The following HR variants were observed in gnomAD, a reference collection of about 807,000 sequenced individuals.
HR encodes lysine-specific demethylase hairless.
HR carries 83 observed loss-of-function variants against 128.6 expected under a neutral mutation model. The observed-to-expected ratio is 0.65, with a 90% CI of 0.54 to 0.77. HR has a LOEUF of 0.77. Ranked by LOEUF, HR falls within the 30% of genes least tolerant of loss-of-function variation. The pLI is 0.00. For synonymous variants in HR, 681 were observed against 658.2 expected, an observed-to-expected ratio of 1.03 and a Z score of -0.53; for missense variants, 1,490 against 1,574.6, an observed-to-expected ratio of 0.95 and a Z score of 0.91.
chr8:22,126,415 C>T (rs998642894), intron 3 of HR, among the ~76,000 whole-genome samples: 1 of 152,216 alleles, frequency 6.6e-6, no homozygotes, highest in African/African-American at 2.4e-5. Flanking sequence ...CTCCAGGGTG[C>T]GCCCAGAGCC....
chr8:22,115,883 C>A (rs1586367068), intron 18 of HR, 121 bp from the exon 19 acceptor site: 2 of 1,002,954 alleles, frequency 2.0e-6, no homozygotes, highest in Non-Finnish European at 3.0e-6. Flanking sequence ...GTAATCCCAG[C>A]ACTTTGGGAG....
At chr8:22,128,125 A>T in intron 2 of HR, 3 of 551,958 alleles carry the variant, frequency 5.4e-6, no homozygotes, top group South Asian at 4.1e-5. Context: ...GTCCTGTGCC[A>T]TACTGAGTTT....
Position 22,120,770 on chromosome 8 carries a change from C to T in HR, c.2556G>A (p.Gln852=), listed in dbSNP as rs1426468803. The T allele has an allele frequency of 4.6e-6, 7 of 1,528,592 alleles. No homozygotes were observed. The highest frequency in any genetic ancestry group is 6.2e-6 in the Non-Finnish European group (7 of 1,135,422). 94.7% of individuals were successfully genotyped at this position (1,528,592 alleles called of 1,614,324 possible). A position where few individuals can be genotyped will look rare whatever the true frequency, so the allele number is the denominator to read the frequency against. Residue 852 remains glutamine (Q), a synonymous_variant, in exon 11 of 19, where the codon CAG becomes CAA. Transcript: ENST00000381418. ...PGALLWLQEP[Q]PCPRRGFHLF... is the part of the protein sequence containing the mutation. ...GGTGGAAGCCACGCCGAGGGCAAGG[C>T]TGGGGCTCCTGCAGCCACAGCAAAG...
chr8:22,128,989 A>T lies in HR; in HGVS notation c.182T>A (p.Leu61His), dbSNP rs757866752. Residue 61 changes from leucine to histidine, a missense_variant, in exon 2 of 19, where the codon CTT (leucine) becomes CAT (histidine). This residue lies in a region of HR where 1,060 missense variants were observed against 1,060.9 expected (regional missense o/e 1.00). Coordinates refer to ENST00000381418, the MANE Select transcript of HR (RefSeq NM_005144.5). Reference sequence around the variant, plus strand: ...GGGGCCCTGGGGGAAGCCAGGGGGAAGCCAGGAGTCTGGGGTGCTCAGGAC... The same window carrying T: ...GGGGCCCTGGGGGAAGCCAGGGGGATGCCAGGAGTCTGGGGTGCTCAGGAC... ...RGVLSTPDSW[L>H]PPGFPQGPKD... The T allele has an allele frequency of 6.2e-7, 1 of 1,613,178 alleles. No homozygotes were observed.
chr8:22,123,617 T>TGGGGGCCCCCCC, intron 6 of HR, 32 bp downstream of exon 6: 1 of 292,088 alleles, frequency 3.4e-6, no homozygotes, highest in Non-Finnish European at 6.2e-6. Context: ...GAGGGCTCCA[T>TGGGGGCCCCCCC]CCCGCCCTCC....
chr8:22,128,698 C>A lies in HR; in HGVS notation c.473G>T (p.Trp158Leu). Residue 158 changes from tryptophan to leucine, a missense_variant, in exon 2 of 19, where the codon TGG becomes TTG. Physicochemically the swap from Trp to Leu is moderately conservative, Grantham distance 61 (BLOSUM62 -2). Coordinates refer to ENST00000381418, the MANE Select transcript of HR (RefSeq NM_005144.5). ...GTAGGGTGGCAAGCAGGTGGGCACCCAGAAGGGAGCTCGCTCCAGGATCTT... is the reference window on the plus strand; with the variant it reads ...GTAGGGTGGCAAGCAGGTGGGCACCAAGAAGGGAGCTCGCTCCAGGATCTT... ...ETKILERAPF[W>L]VPTCLPPYLV... The A allele has an allele frequency of 6.3e-7, 1 of 1,583,544 alleles. No individual in the cohort carries two copies. Among genetic ancestry groups the A allele is most frequent in the Non-Finnish European group, 8.6e-7 (1 of 1,165,144 alleles).
rs1456223913 is a variant in HR at position 22,114,777 on chromosome 8, T to C, written c.*923A>G. On this transcript the variant is annotated 3_prime_UTR_variant, in exon 19 of 19. Transcript: ENST00000381418. ...TGGAGCTTGCTGGGTGGAGTAGGGCTCGGGAGTCTCTGCACAGGGAGGTCA... is the reference window on the plus strand; with the variant it reads ...TGGAGCTTGCTGGGTGGAGTAGGGCCCGGGAGTCTCTGCACAGGGAGGTCA... 1.3e-5 allele frequency: 2 copies of C among 152,484 alleles called. No individual in the cohort carries two copies. Among genetic ancestry groups the C allele is most frequent in the Non-Finnish European group, 2.9e-5 (2 of 68,250 alleles). 9.4% of individuals were successfully genotyped at this position (152,484 alleles called of 1,614,324 possible).
chr8:22,123,940 C>T, intron 5 of HR, 127 bp from the exon 6 acceptor site: 4 of 1,120,696 alleles, frequency 3.6e-6, no homozygotes, highest in Non-Finnish European at 5.2e-6. Flanking sequence ...AGGGCCCCCC[C>T]AGGGAAGGGA....
Position 22,125,605 on chromosome 8 carries a change from G to T in HR, c.1533C>A (p.Ala511=), listed in dbSNP as rs1826867121. The change falls in exon 4 of 19, where the codon GCC becomes GCA. Residue 511 remains alanine (A), a synonymous_variant. Coordinates refer to ENST00000381418, the MANE Select transcript of HR (RefSeq NM_005144.5). ...ACCTCCGCACTTGCTGAGAGTGGCA[G>T]GCGTGCCCTCCTCCCTCTCCAGCTG... ...AQAAGEGGGH[A]CHSQQVRRSP... 6 of 1,609,514 alleles carry T rather than the reference G, an allele frequency of 3.7e-6. No individual in the cohort carries two copies. In the South Asian group the frequency reaches 6.6e-5, roughly 18 times the overall value.
Position 22,121,111 on chromosome 8 carries a change from T to G in HR, c.2321A>C (p.Glu774Ala). 1 of 1,613,796 alleles carries G rather than the reference T, an allele frequency of 6.2e-7. No homozygotes were observed. Residue 774 changes from glutamate to alanine, a missense_variant, in exon 10 of 19, where the codon GAG (glutamate) becomes GCG (alanine). Glu to Ala is a moderately radical substitution (Grantham distance 107). Transcript: ENST00000381418. Reference protein sequence around the residue: ...STAVKLCLGHERIHMAFAPVT... With the variant: ...STAVKLCLGHARIHMAFAPVT... ...GGGGGCGAAGGCCATGTGTATTCGC[T>G]CATGGCCCAAGCAGAGTTTGACCGC...
intron 13 of HR, 84 bp downstream of exon 13, chr8:22,120,020 G>A (rs1826695301): frequency 6.4e-7 from 1 of 1,566,698 alleles, no homozygotes; most frequent in African/African-American, 1.3e-5. Context: ...GGTGGGGGTT[G>A]GGGGCAGAGG....
In HR at chr8:22,116,839, G is replaced by C. The variant is rs1354808098; in HGVS notation, c.3378+36C>G. 1 of 1,556,250 alleles carries C rather than the reference G, an allele frequency of 6.4e-7. No homozygotes were observed. Among genetic ancestry groups the C allele is most frequent in the Non-Finnish European group, 8.7e-7 (1 of 1,154,906 alleles). ...TTGATTGGGTCGCTTCTGCCATCCT[G>C]ATCTCCCCGCAGAGCCCCTGCCCGC... is the stretch of plus-strand genomic sequence containing the variant. On this transcript the variant is annotated intron_variant, in intron 17 of 18. Transcript: ENST00000381418. The surrounding 1 kb of genome is among the most constrained non-coding windows in gnomAD (Gnocchi z 4.2).
At chr8:22,121,753 A>C in intron 8 of HR, 59 bp from the exon 9 acceptor site, 1 of 1,508,958 alleles carries the variant, frequency 6.6e-7, no homozygotes, top group Non-Finnish European at 9.2e-7. Flanking sequence ...TGGCAGACAC[A>C]ATTCAACAGA....
intron 6 of HR, among the ~76,000 whole-genome samples, 166 bp downstream of exon 6, chr8:22,123,483 G>A (rs1174822736): frequency 6.6e-6 from 1 of 152,240 alleles, no homozygotes; most frequent in Non-Finnish European, 1.5e-5. Context: ...CTGATCTGCA[G>A]AGAGGGGAAG....
chr8:22,117,356 A>G (rs970425222), intron 16 of HR: 9 of 374,464 alleles, frequency 2.4e-5, no homozygotes, highest in South Asian at 6.0e-5. Context: ...CCCTCTCTCA[A>G]TGGTACCCCT....
chr8:22,127,919 G>A (rs764055068), intron 2 of HR, 90 bp from the exon 3 acceptor site: 1 of 1,256,672 alleles, frequency 8.0e-7, no homozygotes, highest in East Asian at 2.3e-5. Flanking sequence ...GAAGGAAGGG[G>A]AGAATACTGA....
rs1196940593 is a variant in HR, at chr8:22,117,143, G to A, written c.3214-104C>T. The stretch of plus-strand genomic sequence containing the variant: ...GAGGCCAGGGGTGGAGAAAAGAGCC[G>A]AAGGGTCAAGTCTTGAAGGGCAGGC... On this transcript the variant is annotated intron_variant, in intron 16 of 18. Coordinates refer to ENST00000381418, the MANE Select transcript of HR (RefSeq NM_005144.5). 23 of 1,201,150 alleles carry A rather than the reference G, an allele frequency of 1.9e-5. No homozygotes were observed. In the East Asian group the frequency reaches 4.2e-4, roughly 22 times the overall value. The allele number at this position is 1,201,150 out of a possible 1,614,324, so 74.4% of individuals were successfully genotyped here.
Position 22,123,640 on chromosome 8 carries a change from CT to C in HR, c.1915+8del. Reference sequence around the variant, plus strand: ...CATCCCGCCCTCCCACCCCCAGCCCCTCTCCTACCTGCTTTCTCCCTGGCCC... The same window carrying C: ...CATCCCGCCCTCCCACCCCCAGCCCCCTCCTACCTGCTTTCTCCCTGGCCC... On this transcript the variant is annotated splice_region_variant and intron_variant, in intron 6 of 18. Coordinates refer to ENST00000381418, the MANE Select transcript of HR (RefSeq NM_005144.5). 1 of 1,523,186 alleles carries C rather than the reference CT, an allele frequency of 6.6e-7. No individual in the cohort carries two copies. Among genetic ancestry groups the C allele is most frequent in the Non-Finnish European group, 8.8e-7 (1 of 1,138,472 alleles). 94.4% of individuals were successfully genotyped at this position (1,523,186 alleles called of 1,614,324 possible).
rs556369263 is a variant in HR at position 22,130,756 on chromosome 8, C to G, written c.-369G>C. ...CGCCGCGGGGAGGGCCGGGCCGGGG[C>G]TAGGGAGCGGGTGCCCCCGGAGGGA... On this transcript the variant is annotated 5_prime_UTR_variant, in exon 1 of 19. Transcript: ENST00000381418. 6.6e-6 allele frequency: 1 copy of G among 152,250 alleles called. No individual in the cohort carries two copies. Among genetic ancestry groups the G allele is most frequent in the East Asian group, 1.9e-4 (1 of 5,146 alleles). 9.4% of individuals were successfully genotyped at this position (152,250 alleles called of 1,614,324 possible).
Sources: gnomAD v4.1 joint callset for allele counts (sites outside exome capture counted in the v4.1 genomes callset) on GRCh38, gnomAD v4.1.1 for gene constraint, gnomAD v4.1.1 regional missense constraint, Gnocchi (gnomAD v3.1) non-coding constraint, MANE v1.5 for transcripts, NCBI Gene and HGNC (gene_info 2026-07-23, HGNC 2026-07-21) for gene names.